Variants in PARD3 observed in about 807,000 individuals in gnomAD.
The protein encoded by PARD3 is par-3 family cell polarity regulator.
A neutral mutation model predicts 155.4 loss-of-function variants in PARD3; 75 were observed. The ratio of observed to expected loss-of-function variants is 0.48; its 90% CI spans 0.40 to 0.58. The LOEUF (loss-of-function observed/expected upper bound fraction) is 0.58. Ranked by LOEUF, PARD3 falls within the 20% of genes least tolerant of loss-of-function variation. The pLI is 0.00. For synonymous variants in PARD3, 576 were observed against 610.5 expected, an observed-to-expected ratio of 0.94 and a Z score of 0.83; for missense variants, 1,642 against 1,721.7, an observed-to-expected ratio of 0.95 and a Z score of 0.82.
intron 2 of PARD3, among the ~76,000 whole-genome samples, chr10:34,661,723 T>G (rs2093330495): frequency 6.6e-6 from 1 of 152,154 alleles, no homozygotes; most frequent in Non-Finnish European, 1.5e-5. Flanking sequence ...TGGTCTATAA[T>G]TAAAGAATCA....
chr10:34,589,149 T>C (rs2088395210), intron 2 of PARD3, among the ~76,000 whole-genome samples: 1 of 152,172 alleles, frequency 6.6e-6, no homozygotes. Context: ...CCTGTGAGAT[T>C]ACATAGTAAT....
chr10:34,290,448 G>A (rs993362167), intron 20 of PARD3, among the ~76,000 whole-genome samples: 6 of 152,112 alleles, frequency 3.9e-5, no homozygotes, highest in South Asian at 4.1e-4. Context: ...TTGCTACACC[G>A]CATGTCTATT....
At chr10:34,814,651 G>A (rs1195112555) in intron 1 of PARD3, among the ~76,000 whole-genome samples, 5 of 151,858 alleles carry the variant, frequency 3.3e-5, no homozygotes, top group Non-Finnish European at 7.4e-5. Context: ...GGTGAGGGCG[G>A]GGGCCGCGGG....
intron 22 of PARD3, among the ~76,000 whole-genome samples, chr10:34,226,037 T>A (rs1363141321): frequency 6.6e-6 from 1 of 151,988 alleles, no homozygotes; most frequent in African/African-American, 2.4e-5. Context: ...AAACCATATA[T>A]CTATTACAAA....
chr10:34,401,709 C>T lies in PARD3; in HGVS notation c.806+117G>A, dbSNP rs576759183. The T allele has an allele frequency of 1.0e-4, 77 of 756,452 alleles. No homozygotes were observed. The East Asian group carries it at 1.2e-3, about 11-fold the overall frequency. 46.9% of individuals were successfully genotyped at this position (756,452 alleles called of 1,614,324 possible). A position where few individuals can be genotyped will look rare whatever the true frequency, so the allele number is the denominator to read the frequency against. ...TTCTTTAGAAAAACAAATCAATGCA[C>T]GGCATGTTTTTAACTAAGCACAAAC... is the stretch of plus-strand genomic sequence containing the variant. On this transcript the variant is annotated intron_variant, in intron 6 of 24. Transcript: ENST00000374788.
At chr10:34,151,125 A>G (rs1439585782) in intron 22 of PARD3, among the ~76,000 whole-genome samples, 1 of 152,182 alleles carries the variant, frequency 6.6e-6, no homozygotes, top group Non-Finnish European at 1.5e-5. Context: ...CATCTTCAAT[A>G]TACACCAATA....
intron 20 of PARD3, among the ~76,000 whole-genome samples, chr10:34,299,611 A>G (rs1589101809): frequency 1.3e-5 from 2 of 152,374 alleles, no homozygotes; most frequent in Middle Eastern, 3.4e-3. Flanking sequence ...ATTCTGTCAG[A>G]TAGACAGGAG....
At chr10:34,229,153 G>T (rs1952779926) in intron 22 of PARD3, among the ~76,000 whole-genome samples, 2 of 152,010 alleles carry the variant, frequency 1.3e-5, no homozygotes, top group South Asian at 2.1e-4. Context: ...CAGCTTCTCA[G>T]CATCAGCTAT....
At chr10:34,662,091 G>A (rs960106185) in intron 2 of PARD3, among the ~76,000 whole-genome samples, 3 of 152,154 alleles carry the variant, frequency 2.0e-5, no homozygotes, top group Admixed American at 6.5e-5. Flanking sequence ...CTGACATCTC[G>A]GAGTGCCTAA....
intron 20 of PARD3, among the ~76,000 whole-genome samples, chr10:34,290,773 C>T (rs1956639296): frequency 6.6e-6 from 1 of 152,138 alleles, no homozygotes; most frequent in Non-Finnish European, 1.5e-5. Context: ...TGTCTTTGAC[C>T]ATGGCCAGCT....
chr10:34,376,127 C>G (rs1415114436), intron 10 of PARD3, among the ~76,000 whole-genome samples: 1 of 152,062 alleles, frequency 6.6e-6, no homozygotes, highest in Non-Finnish European at 1.5e-5. Flanking sequence ...TCTAGACACT[C>G]AGAGAAAATG....
At chr10:34,581,856 G>A (rs186014998) in intron 2 of PARD3, among the ~76,000 whole-genome samples, 44 of 152,272 alleles carry the variant, frequency 2.9e-4, no homozygotes, top group Admixed American at 2.3e-3. Context: ...GATATTATGG[G>A]CAATCCCTCT....
intron 22 of PARD3, among the ~76,000 whole-genome samples, chr10:34,135,956 G>A (rs949226585): frequency 6.6e-6 from 1 of 152,200 alleles, no homozygotes; most frequent in African/African-American, 2.4e-5. Flanking sequence ...TGCTGGCCTG[G>A]TGTTGCTTCT....
intron 19 of PARD3, among the ~76,000 whole-genome samples, chr10:34,317,909 G>A (rs905232710): frequency 2.0e-5 from 3 of 152,170 alleles, no homozygotes; most frequent in African/African-American, 7.2e-5. Flanking sequence ...GATCTGCACA[G>A]CCTCTGTAAC....
rs188425330 is a variant in PARD3 at position 34,575,989 on chromosome 10, T to C, written c.223-58830A>G. Among the ~76,000 whole-genome samples the C allele has an allele frequency of 1.1e-4, 17 of 152,346 alleles. No individual in the cohort carries two copies. The East Asian group carries it at 3.3e-3, about 29-fold the overall frequency. On this transcript the variant is annotated intron_variant, in intron 2 of 24. Transcript: ENST00000374788. Reference sequence around the variant, plus strand: ...TGCACCAGGCATAGGCTTAGCCATCTTTCTTTTCTACTGACTCATAAGAAC... The same window carrying C: ...TGCACCAGGCATAGGCTTAGCCATCCTTCTTTTCTACTGACTCATAAGAAC...
chr10:34,365,802 G>T (rs979217973), intron 12 of PARD3, among the ~76,000 whole-genome samples: 1 of 152,064 alleles, frequency 6.6e-6, no homozygotes, highest in Non-Finnish European at 1.5e-5. Flanking sequence ...TGGTCAGGCT[G>T]GTCTGAAACT....
At chr10:34,217,829 C>T (rs1056486071) in intron 22 of PARD3, among the ~76,000 whole-genome samples, 22 of 152,080 alleles carry the variant, frequency 1.4e-4, no homozygotes, top group African/African-American at 5.1e-4. Flanking sequence ...AGGATTCCTC[C>T]CTCTGCGACT....
chr10:34,227,854 T>TATATATATATATATATATATA lies in PARD3; in HGVS notation c.3419+41802_3419+41803insTATATATATATATATATATAT, dbSNP rs1952683542. On this transcript the variant is annotated intron_variant, in intron 22 of 24. Transcript: ENST00000374788. ...TATATTCCCAGTAATGGGAATTATT[T>TATATATATATATATATATATA]TTTATATATATATATATATATATAT... Among the ~76,000 whole-genome samples the TATATATATATATATATATATA allele has an allele frequency of 1.7e-3, 44 of 26,492 alleles. 1 individual carries two copies. Among genetic ancestry groups the TATATATATATATATATATATA allele is most frequent in the African/African-American group, 3.2e-3 (43 of 13,298 alleles). 17.4% of individuals were successfully genotyped at this position (26,492 alleles called of 152,430 possible).
rs200635429 is a variant in PARD3, at chr10:34,666,216, T to C, written c.222+30102A>G. 3.3e-4 allele frequency among the ~76,000 whole-genome samples: 18 copies of C among 55,142 alleles called. No individual in the cohort carries two copies. In the East Asian group the frequency reaches 8.5e-3, roughly 26 times the overall value. The allele number at this position is 55,142 out of a possible 152,430, so 36.2% of individuals were successfully genotyped here. ...GCCTGGATGACAGAGCAAGATCTTA[T>C]CAAAAAAAAAAAAGCCAATTCTCAA... On this transcript the variant is annotated intron_variant, in intron 2 of 24. Transcript: ENST00000374788.
Sources: gnomAD v4.1 joint callset for allele counts (sites outside exome capture counted in the v4.1 genomes callset) on GRCh38, gnomAD v4.1.1 for gene constraint, MANE v1.5 for transcripts, NCBI Gene and HGNC (gene_info 2026-07-23, HGNC 2026-07-21) for gene names.